PAWR: variants seen among roughly 807,000 people sequenced by gnomAD.
PAWR encodes pro-apoptotic WT1 regulator.
PAWR carries 23 observed loss-of-function variants against 32.0 expected under a neutral mutation model. That is an observed-to-expected ratio of 0.72 (90% confidence interval 0.52 to 1.02). The LOEUF (loss-of-function observed/expected upper bound fraction) is 1.02. Among genes scored for constraint, PAWR ranks in the 50% least tolerant of loss-of-function variants. The pLI is 0.00. For missense variants in PAWR, 457 were observed against 437.7 expected (o/e 1.04, Z -0.39); for synonymous variants, 226 against 187.1 (o/e 1.21, Z -1.70).
At chr12:79,688,288 T>C (rs1878782935) in intron 2 of PAWR, 1 of 151,650 alleles carries the variant, frequency 6.6e-6, no homozygotes, top group South Asian at 2.1e-4. Context: ...AAAAGTGAAG[T>C]TTAACATCTG....
chr12:79,601,424 T>C (rs1873957675), intron 4 of PAWR, among the ~76,000 whole-genome samples: 1 of 152,020 alleles, frequency 6.6e-6, no homozygotes, highest in South Asian at 2.1e-4. Flanking sequence ...AGGCCGGTCC[T>C]GAAGTCCTGG....
chr12:79,675,489 C>A (rs1878119985), intron 2 of PAWR, among the ~76,000 whole-genome samples: 1 of 152,128 alleles, frequency 6.6e-6, no homozygotes, highest in Non-Finnish European at 1.5e-5. Flanking sequence ...CAACCCAGAT[C>A]CCCATCAACA....
chr12:79,687,282 T>C (rs1189127101), intron 2 of PAWR, among the ~76,000 whole-genome samples: 1 of 152,214 alleles, frequency 6.6e-6, no homozygotes, highest in Non-Finnish European at 1.5e-5. Flanking sequence ...TCAATTCTGG[T>C]ATCTTTAGCT....
At chr12:79,686,648 G>C (rs893138205) in intron 2 of PAWR, among the ~76,000 whole-genome samples, 1 of 152,032 alleles carries the variant, frequency 6.6e-6, no homozygotes, top group Non-Finnish European at 1.5e-5. Flanking sequence ...CTGCATGTCG[G>C]TACTTAATAT....
At chr12:79,669,694 A>G (rs1877790913) in intron 2 of PAWR, among the ~76,000 whole-genome samples, 1 of 152,196 alleles carries the variant, frequency 6.6e-6, no homozygotes, top group Non-Finnish European at 1.5e-5. Flanking sequence ...TAAGTTATTT[A>G]TATAATGAAT....
At chr12:79,661,196 C>T (rs1458071263) in intron 2 of PAWR, among the ~76,000 whole-genome samples, 1 of 145,610 alleles carries the variant, frequency 6.9e-6, no homozygotes, top group African/African-American at 2.6e-5. Flanking sequence ...TTGCAGTGAG[C>T]TACGATAGCG....
At chr12:79,641,657 G>A (rs1295185746) in intron 2 of PAWR, among the ~76,000 whole-genome samples, 3 of 151,750 alleles carry the variant, frequency 2.0e-5, no homozygotes, top group South Asian at 4.2e-4. Flanking sequence ...GACCATCCTG[G>A]CCAACATGGT....
chr12:79,673,194 C>A (rs939689271), intron 2 of PAWR, among the ~76,000 whole-genome samples: 2 of 151,956 alleles, frequency 1.3e-5, no homozygotes, highest in Non-Finnish European at 1.5e-5. Flanking sequence ...CTCAGCCTCC[C>A]GAGTAGCTGG....
chr12:79,611,257 T>A (rs1307826816), intron 4 of PAWR, among the ~76,000 whole-genome samples: 1 of 146,678 alleles, frequency 6.8e-6, no homozygotes, highest in Non-Finnish European at 1.5e-5. Context: ...ATATTATATA[T>A]ATTTATATAT....
intron 3 of PAWR, among the ~76,000 whole-genome samples, chr12:79,618,137 GTTTC>G (rs1226399576): frequency 6.8e-6 from 1 of 146,632 alleles, no homozygotes; most frequent in Non-Finnish European, 1.5e-5. Flanking sequence ...TTTTTTTTTT[GTTTC>G]TTTTTTTGAG....
chr12:79,639,874 CT>C (rs1199100767), intron 2 of PAWR, among the ~76,000 whole-genome samples: 2,485 of 93,414 alleles, frequency 0.027, 85 homozygotes, highest in East Asian at 0.17. Context: ...ATTCCTATTC[CT>C]ATTCCTATTC....
intron 2 of PAWR, among the ~76,000 whole-genome samples, chr12:79,654,029 A>G (rs1025235551): frequency 7.2e-5 from 11 of 152,316 alleles, no homozygotes; most frequent in African/African-American, 4.8e-5. Context: ...AAATCTTCCT[A>G]TAATAGCCAA....
At chr12:79,613,228 C>G (rs933979083) in intron 4 of PAWR, among the ~76,000 whole-genome samples, 6 of 152,144 alleles carry the variant, frequency 3.9e-5, no homozygotes. Flanking sequence ...TGTTAAGTCA[C>G]CAGTCTATAG....
chr12:79,616,969 C>T (rs1315994119), intron 3 of PAWR, among the ~76,000 whole-genome samples: 1 of 152,194 alleles, frequency 6.6e-6, no homozygotes, highest in Non-Finnish European at 1.5e-5. Context: ...TTTTGAAGCA[C>T]ACAGACGACA....
intron 2 of PAWR, among the ~76,000 whole-genome samples, chr12:79,666,167 G>A (rs1877593206): frequency 6.6e-6 from 1 of 152,044 alleles, no homozygotes; most frequent in African/African-American, 2.4e-5. Flanking sequence ...AAGTGGAGGC[G>A]GTTTCAATTA....
intron 4 of PAWR, among the ~76,000 whole-genome samples, chr12:79,599,978 A>T (rs1468676683): frequency 6.6e-6 from 1 of 152,208 alleles, no homozygotes; most frequent in African/African-American, 2.4e-5. Context: ...AACATATTTG[A>T]TGAATTCATT....
At chr12:79,613,931 T>C (rs1458282056) in intron 3 of PAWR, among the ~76,000 whole-genome samples, 1 of 46,762 alleles carries the variant, frequency 2.1e-5, no homozygotes, top group Non-Finnish European at 4.1e-5. Context: ...AGTACCACCA[T>C]TATATATATA....
chr12:79,594,377 T>A lies in PAWR; in HGVS notation c.888A>T (p.Lys296Asn). Residue 296 changes from lysine (K) to asparagine (N), a missense_variant, in exon 6 of 7, where the codon AAA (lysine) becomes AAT (asparagine). Lys to Asn is a moderately conservative substitution (Grantham distance 94, BLOSUM62 0). Transcript: ENST00000328827. Reference protein sequence around the residue: ...NLRLVRLMQDKEEMIGKLKEE... With the variant: ...NLRLVRLMQDNEEMIGKLKEE... Reference sequence around the variant, plus strand: ...CTTTGAGTTTTCCAATCATTTCCTCTTTATCTTGCATCAGTCTCACAAGTC... The same window carrying A: ...CTTTGAGTTTTCCAATCATTTCCTCATTATCTTGCATCAGTCTCACAAGTC... 6.4e-7 allele frequency: 1 copy of A among 1,565,432 alleles called. No homozygotes were observed. Among genetic ancestry groups the A allele is most frequent in the Non-Finnish European group, 8.8e-7 (1 of 1,142,724 alleles).
chr12:79,671,536 T>C (rs12231715), intron 2 of PAWR, among the ~76,000 whole-genome samples: 1 of 152,176 alleles, frequency 6.6e-6, no homozygotes, highest in Non-Finnish European at 1.5e-5. Context: ...GAATGGGTAT[T>C]GGATCTTGTC....
Sources: gnomAD v4.1 joint callset for allele counts (sites outside exome capture counted in the v4.1 genomes callset) on GRCh38, gnomAD v4.1.1 for gene constraint, MANE v1.5 for transcripts, NCBI Gene and HGNC (gene_info 2026-07-23, HGNC 2026-07-21) for gene names.